The following MIER1 variants were observed in gnomAD, a reference collection of about 807,000 sequenced individuals.
The protein encoded by MIER1 is mesoderm induction early response protein 1.
In MIER1, 40 loss-of-function variants were observed where a neutral mutation model predicts 75.7. That is an observed-to-expected ratio of 0.53 (90% CI 0.41 to 0.69). The LOEUF is 0.69. Ranked by LOEUF, MIER1 falls within the 30% of genes least tolerant of loss-of-function variation. MIER1 has a pLI of 0.00. For missense variants in MIER1, 574 were observed against 680.2 expected (o/e 0.84, Z 1.74); for synonymous variants, 213 against 223.4 (o/e 0.95, Z 0.42).
intron 2 of MIER1, among the ~76,000 whole-genome samples, chr1:66,936,324 G>C (rs1233728028): frequency 6.6e-6 from 1 of 151,698 alleles, no homozygotes; most frequent in African/African-American, 2.4e-5. Flanking sequence ...CTGGGTTCAA[G>C]CATTTCTGCT....
At position 66,986,572 on chromosome 1, in the gene MIER1, A is replaced by ATTAC; in HGVS notation, c.*1674_*1677dup. 1.1e-6 allele frequency: 1 copy of ATTAC among 948,600 alleles called. No individual in the cohort carries two copies. Among genetic ancestry groups the ATTAC allele is most frequent in the East Asian group, 2.4e-5 (1 of 41,464 alleles). The allele number at this position is 948,600 out of a possible 1,614,324, so 58.8% of individuals were successfully genotyped here. On this transcript the variant is annotated 3_prime_UTR_variant, in exon 14 of 14. Coordinates refer to ENST00000401041, the MANE Select transcript of MIER1 (RefSeq NM_001077700.3). ...CATTCAGGCCTTACCCCCATGAAGTATTACTGTTAACATATGTTCGGACTG... is the reference window on the plus strand; with the variant it reads ...CATTCAGGCCTTACCCCCATGAAGTATTACTTACTGTTAACATATGTTCGGACTG...
chr1:66,948,110 G>T (rs768294658), intron 4 of MIER1: 91 of 919,692 alleles, frequency 9.9e-5, no homozygotes, highest in Non-Finnish European at 1.1e-4. Flanking sequence ...CACTGGTTTT[G>T]AGAAGATGAA....
rs1663494149 is a variant in MIER1, at chr1:66,971,051, C to A, written c.924+92C>A. ...CATTGTTGTTATTCTGTCCACCAAACTTTTTATAACATTATTGACAGGGAA... is the reference window on the plus strand; with the variant it reads ...CATTGTTGTTATTCTGTCCACCAAAATTTTTATAACATTATTGACAGGGAA... On this transcript the variant is annotated intron_variant, in intron 9 of 13. Transcript: ENST00000401041. The A allele has an allele frequency of 1.7e-5, 20 of 1,165,776 alleles. No individual in the cohort carries two copies. In the South Asian group the frequency reaches 3.3e-4, roughly 19 times the overall value. The allele number at this position is 1,165,776 out of a possible 1,614,324, so 72.2% of individuals were successfully genotyped here.
rs1047981050 is a variant in MIER1 at position 66,946,479 on chromosome 1, T to C, written c.339+184T>C. ...TGAAAGGATTTAAAAACAATAACTT[T>C]ATTATGTGCAATAACAGAATTCACA... is the stretch of plus-strand genomic sequence containing the variant. On this transcript the variant is annotated intron_variant, in intron 4 of 13. Coordinates refer to ENST00000401041, the MANE Select transcript of MIER1 (RefSeq NM_001077700.3). The C allele has an allele frequency of 1.3e-5, 17 of 1,322,424 alleles. No homozygotes were observed. The African/African-American group carries it at 1.4e-4, about 11-fold the overall frequency. 81.9% of individuals were successfully genotyped at this position (1,322,424 alleles called of 1,614,324 possible).
chr1:66,976,655 C>T lies in MIER1; in HGVS notation c.1162C>T (p.Arg388Cys). The change falls in exon 12 of 14, where the codon CGT (arginine) becomes TGT (cysteine). Residue 388 changes from arginine (R) to cysteine (C), a missense_variant. Arg to Cys is a radical substitution (Grantham distance 180, BLOSUM62 -3). This residue lies in a region of MIER1 where 101 missense variants were observed against 173.1 expected (regional missense o/e 0.58). Transcript: ENST00000401041. ...AFYYMWKKSERYDFFAQQTRF... is the reference protein window; with the variant it reads ...AFYYMWKKSECYDFFAQQTRF... ...CTATTACATGTGGAAAAAATCTGAA[C>T]GTTATGATTTCTTTGCTCAGCAAAC... 3 of 1,606,410 alleles carry T rather than the reference C, an allele frequency of 1.9e-6. No homozygotes were observed. The highest frequency in any genetic ancestry group is 2.6e-6 in the Non-Finnish European group (3 of 1,176,466).
In MIER1 at chr1:66,985,086, ACT is replaced by A; in HGVS notation, c.*189_*190del. 1 of 1,323,310 alleles carries A rather than the reference ACT, an allele frequency of 7.6e-7. No individual in the cohort carries two copies. The highest frequency in any genetic ancestry group is 2.1e-5 in the South Asian group (1 of 48,074). 82.0% of individuals were successfully genotyped at this position (1,323,310 alleles called of 1,614,324 possible). The stretch of plus-strand genomic sequence containing the variant: ...GATTTTTTTACTTTAAAGCTGTCAG[ACT>A]CTTTTAAGGGTATTTTAAAAATTAG... On this transcript the variant is annotated 3_prime_UTR_variant, in exon 14 of 14. Coordinates refer to ENST00000401041, the MANE Select transcript of MIER1 (RefSeq NM_001077700.3).
In MIER1 at chr1:66,986,398, C is replaced by T; in HGVS notation, c.*1498C>T. The stretch of plus-strand genomic sequence containing the variant: ...ATATTAATTATTCTTGTTTTTCTCA[C>T]ACAGGCATACTCCAAATGCTTCTTC... On this transcript the variant is annotated 3_prime_UTR_variant, in exon 14 of 14. Coordinates refer to ENST00000401041, the MANE Select transcript of MIER1 (RefSeq NM_001077700.3). The T allele has an allele frequency of 6.2e-7, 1 of 1,611,462 alleles. No homozygotes were observed. Among genetic ancestry groups the T allele is most frequent in the Admixed American group, 1.7e-5 (1 of 59,924 alleles).
chr1:66,926,606 TA>T (rs1380937217), intron 2 of MIER1, among the ~76,000 whole-genome samples: 6 of 152,208 alleles, frequency 3.9e-5, no homozygotes, highest in Non-Finnish European at 7.3e-5. Context: ...CCAAATGTAA[TA>T]GGCTAAGTTT....
chr1:66,984,712 C>G lies in MIER1; in HGVS notation c.1510C>G (p.Leu504Val), dbSNP rs375304684. 19 of 1,613,820 alleles carry G rather than the reference C, an allele frequency of 1.2e-5. No homozygotes were observed. The highest frequency in any genetic ancestry group is 3.3e-5 in the Admixed American group (2 of 59,996). ...TACTAATGGTTATGAAACAGATAAC[C>G]TTACCACTGACCCAAAACTTGCCCA... is the stretch of plus-strand genomic sequence containing the variant. The part of the protein sequence containing the change: ...MDTNGYETDN[L>V]TTDPKLAHMT... Residue 504 changes from leucine to valine, a missense_variant, in exon 14 of 14, where the codon CTT becomes GTT. This residue lies in a region of MIER1 where 164 missense variants were observed against 154.3 expected (regional missense o/e 1.06). Transcript: ENST00000401041.
rs754481297 is a variant in MIER1, at chr1:66,970,792, T to A, written c.773-16T>A. 2 of 1,525,892 alleles carry A rather than the reference T, an allele frequency of 1.3e-6. No individual in the cohort carries two copies. Among genetic ancestry groups the A allele is most frequent in the South Asian group, 1.3e-5 (1 of 75,882 alleles). 94.5% of individuals were successfully genotyped at this position (1,525,892 alleles called of 1,614,324 possible). ...GTTTTTAGAAATTTGTTTAACATTGTCTTTTACTAATTTAGTATATGAAAA... is the reference window on the plus strand; with the variant it reads ...GTTTTTAGAAATTTGTTTAACATTGACTTTTACTAATTTAGTATATGAAAA... On this transcript the variant is annotated splice_polypyrimidine_tract_variant and intron_variant, in intron 8 of 13. Coordinates refer to ENST00000401041, the MANE Select transcript of MIER1 (RefSeq NM_001077700.3).
At chr1:66,940,264 G>GTT in intron 3 of MIER1, 1 of 333,644 alleles carries the variant, frequency 3.0e-6, no homozygotes, top group Non-Finnish European at 5.2e-6. Flanking sequence ...ACTATTTTTG[G>GTT]GTTTTCTTTT....
chr1:66,937,054 A>G lies in MIER1; in HGVS notation c.169-2974A>G, dbSNP rs367737230. Among the ~76,000 whole-genome samples the G allele has an allele frequency of 4.0e-5, 6 of 150,584 alleles. No homozygotes were observed. The South Asian group carries it at 1.1e-3, about 26-fold the overall frequency. ...GAAAAAAGTGAGGGTGAAGGAGGAG[A>G]GAAGTGAAGAGTGGAAAATTTTAGC... On this transcript the variant is annotated intron_variant, in intron 2 of 13. Coordinates refer to ENST00000401041, the MANE Select transcript of MIER1 (RefSeq NM_001077700.3).
chr1:66,931,069 C>G lies in MIER1; in HGVS notation c.168+4827C>G, dbSNP rs113589527. Among the ~76,000 whole-genome samples, 6 of 151,728 alleles carry G rather than the reference C, an allele frequency of 4.0e-5. No individual in the cohort carries two copies. In the East Asian group the frequency reaches 1.2e-3, roughly 29 times the overall value. On this transcript the variant is annotated intron_variant, in intron 2 of 13. Coordinates refer to ENST00000401041, the MANE Select transcript of MIER1 (RefSeq NM_001077700.3). ...TCACTTTCCAGGCTTCCCCCCACCC[C>G]CTTTCCAAATCAAGGCTACCTATTC... is the stretch of plus-strand genomic sequence containing the variant.
chr1:66,965,513 GTTTTAAT>G (rs1662201303), intron 8 of MIER1, among the ~76,000 whole-genome samples: 1 of 151,886 alleles, frequency 6.6e-6, no homozygotes, highest in Admixed American at 6.6e-5. Context: ...TTTATGCTTA[GTTTTAAT>G]TTTTAATTTT....
At chr1:66,982,022 A>G (rs1245354043) in intron 13 of MIER1, 104 bp downstream of exon 13, 2 of 1,195,862 alleles carry the variant, frequency 1.7e-6, no homozygotes, top group Non-Finnish European at 2.4e-6. Flanking sequence ...CCAGAGCAGA[A>G]AGTAAAAAAT....
intron 8 of MIER1, among the ~76,000 whole-genome samples, chr1:66,963,443 C>T (rs1661659158): frequency 6.6e-6 from 1 of 151,734 alleles, no homozygotes; most frequent in African/African-American, 2.4e-5. Context: ...TACTTTTTTC[C>T]CCGTATTTTC....
intron 4 of MIER1, among the ~76,000 whole-genome samples, chr1:66,954,471 C>A (rs1659672648): frequency 6.6e-6 from 1 of 152,110 alleles, no homozygotes; most frequent in South Asian, 2.1e-4. Context: ...AATGGTATGT[C>A]TGCTCTAATC....
intron 4 of MIER1, among the ~76,000 whole-genome samples, chr1:66,956,968 T>G (rs372019977): frequency 1.1e-3 from 160 of 152,362 alleles, no homozygotes; most frequent in Non-Finnish European, 1.5e-3. Context: ...GAGCTAGACT[T>G]ACTTCTTTCC....
intron 4 of MIER1, among the ~76,000 whole-genome samples, chr1:66,950,916 A>G (rs1658785309): frequency 6.6e-6 from 1 of 151,986 alleles, no homozygotes; most frequent in Non-Finnish European, 1.5e-5. Flanking sequence ...TCCTATCTTC[A>G]TTAGCATTTT....
Sources: gnomAD v4.1 joint callset for allele counts (sites outside exome capture counted in the v4.1 genomes callset) on GRCh38, gnomAD v4.1.1 for gene constraint, gnomAD v4.1.1 regional missense constraint, MANE v1.5 for transcripts, NCBI Gene and HGNC (gene_info 2026-07-23, HGNC 2026-07-21) for gene names.